The following PIK3R1 variants were observed in gnomAD, a reference collection of about 807,000 sequenced individuals.
PIK3R1 encodes phosphoinositide-3-kinase regulatory subunit 1.
A neutral mutation model predicts 98.0 loss-of-function variants in PIK3R1; 29 were observed. That is an observed-to-expected ratio of 0.30 (90% confidence interval 0.22 to 0.40). The LOEUF (loss-of-function observed/expected upper bound fraction) is 0.40. Among genes scored for constraint, PIK3R1 ranks in the 10% least tolerant of loss-of-function variants. The pLI is 1.00. For missense variants in PIK3R1, 596 were observed against 872.7 expected (o/e 0.68, Z 3.99); for synonymous variants, 282 against 311.8 (o/e 0.90, Z 1.01).
chr5:68,300,063 A>G lies in PIK3R1; in HGVS notation c.*2462A>G, dbSNP rs1225318030. 2 of 233,114 alleles carry G rather than the reference A, an allele frequency of 8.6e-6. No homozygotes were observed. The highest frequency in any genetic ancestry group is 2.2e-5 in the African/African-American group (1 of 45,358). 14.4% of individuals were successfully genotyped at this position (233,114 alleles called of 1,614,324 possible). ...ACATACAAATTTTTATTTCTAAAAT[A>G]TAAGATCTGAGATTGAATATTTTCA... On this transcript the variant is annotated 3_prime_UTR_variant, in exon 16 of 16. Coordinates refer to ENST00000521381, the MANE Select transcript of PIK3R1 (RefSeq NM_181523.3).
intron 7 of PIK3R1, chr5:68,291,180 C>T (rs1200085256): frequency 1.4e-5 from 3 of 219,768 alleles, no homozygotes; most frequent in Non-Finnish European, 2.7e-5. Flanking sequence ...CTGCTTTTCT[C>T]TGTTGCCAGT....
intron 1 of PIK3R1, among the ~76,000 whole-genome samples, chr5:68,223,727 T>C (rs975782902): frequency 3.9e-5 from 6 of 152,190 alleles, no homozygotes; most frequent in African/African-American, 1.4e-4. Context: ...CTAAAAGTCA[T>C]CATGTTCCTT....
intron 11 of PIK3R1, 87 bp downstream of exon 11, chr5:68,293,921 T>G (rs1747544080): frequency 9.7e-7 from 1 of 1,030,920 alleles, no homozygotes; most frequent in Non-Finnish European, 1.4e-6. Context: ...AAAGGTTGAG[T>G]TTTTACGAAT....
rs911336553 is a variant in PIK3R1, at chr5:68,278,869, G to C, written c.503-733G>C. 8.6e-5 allele frequency among the ~76,000 whole-genome samples: 13 copies of C among 150,614 alleles called. No individual in the cohort carries two copies. In the South Asian group the frequency reaches 1.9e-3, roughly 22 times the overall value. On this transcript the variant is annotated intron_variant, in intron 4 of 15. Coordinates refer to ENST00000521381, the MANE Select transcript of PIK3R1 (RefSeq NM_181523.3). Reference sequence around the variant, plus strand: ...GCAGGAGAATCGCTTGAACCCGGGAGGTGAAGGTTGCAGTGAGCCGAGATC... The same window carrying C: ...GCAGGAGAATCGCTTGAACCCGGGACGTGAAGGTTGCAGTGAGCCGAGATC...
intron 15 of PIK3R1, among the ~76,000 whole-genome samples, chr5:68,297,043 C>T (rs1380814696): frequency 1.3e-5 from 2 of 152,196 alleles, no homozygotes; most frequent in Non-Finnish European, 2.9e-5. Flanking sequence ...AATAGTAACA[C>T]TGCTAGTCAT....
intron 2 of PIK3R1, among the ~76,000 whole-genome samples, chr5:68,249,772 TG>T (rs1745231559): frequency 6.6e-6 from 1 of 151,916 alleles, no homozygotes; most frequent in African/African-American, 2.4e-5. Context: ...TGTGGTGGGG[TG>T]GGGGGCGTTA....
chr5:68,240,720 A>C (rs1436891423), intron 2 of PIK3R1, among the ~76,000 whole-genome samples: 1 of 152,130 alleles, frequency 6.6e-6, no homozygotes, highest in East Asian at 1.9e-4. Flanking sequence ...ACATGCCTTT[A>C]ATATTTTGGG....
At chr5:68,238,710 A>T (rs890290989) in intron 2 of PIK3R1, among the ~76,000 whole-genome samples, 4 of 152,278 alleles carry the variant, frequency 2.6e-5, no homozygotes, top group African/African-American at 9.6e-5. Flanking sequence ...GAGGGAGAAG[A>T]TATATAGAGA....
chr5:68,273,528 T>C (rs774732450), intron 3 of PIK3R1, 46 bp downstream of exon 3: 3 of 1,421,248 alleles, frequency 2.1e-6, no homozygotes, highest in Non-Finnish European at 3.0e-6. Flanking sequence ...TCTACCCTTA[T>C]TTCATGGCTC....
chr5:68,216,976 G>A (rs920489434), intron 1 of PIK3R1, among the ~76,000 whole-genome samples: 19 of 152,312 alleles, frequency 1.2e-4, no homozygotes, highest in African/African-American at 4.3e-4. Flanking sequence ...TTCCCGGGGC[G>A]CTATTAATAT....
intron 2 of PIK3R1, among the ~76,000 whole-genome samples, chr5:68,261,225 T>A (rs893451251): frequency 1.3e-5 from 2 of 152,242 alleles, no homozygotes; most frequent in African/African-American, 4.8e-5. Context: ...TTGGGACATG[T>A]GATCTCCTTG....
intron 2 of PIK3R1, among the ~76,000 whole-genome samples, chr5:68,237,279 A>T (rs1427518174): frequency 1.3e-5 from 2 of 152,190 alleles, no homozygotes; most frequent in Non-Finnish European, 2.9e-5. Flanking sequence ...TTGTACCTGA[A>T]TTATGTCAAG....
chr5:68,254,976 C>T (rs1337401260), intron 2 of PIK3R1, among the ~76,000 whole-genome samples: 1 of 152,132 alleles, frequency 6.6e-6, no homozygotes, highest in Non-Finnish European at 1.5e-5. Flanking sequence ...TGACACAAGT[C>T]AGGCCACAAT....
rs1194666062 is a variant in PIK3R1, at chr5:68,226,378, G to A, written c.-298G>A. On this transcript the variant is annotated 5_prime_UTR_variant, in exon 2 of 16. Coordinates refer to ENST00000521381, the MANE Select transcript of PIK3R1 (RefSeq NM_181523.3). ...GTCAGAAAGGATTGGGCCTCGCTGT[G>A]AGAGTCAGCCTGGATTCAAAGTGTT... The A allele has an allele frequency of 2.1e-6, 1 of 465,646 alleles. No individual in the cohort carries two copies. Among genetic ancestry groups the A allele is most frequent in the Non-Finnish European group, 3.8e-6 (1 of 264,844 alleles). 28.8% of individuals were successfully genotyped at this position (465,646 alleles called of 1,614,324 possible). A position where few individuals can be genotyped will look rare whatever the true frequency, so the allele number is the denominator to read the frequency against.
rs2112253724 is a variant in PIK3R1, at chr5:68,293,160, C to G, written c.1079C>G (p.Ala360Gly). 6.2e-7 allele frequency: 1 copy of G among 1,613,572 alleles called. No homozygotes were observed. The highest frequency in any genetic ancestry group is 1.1e-5 in the South Asian group (1 of 91,034). ...TADGTFLVRD[A>G]STKMHGDYTL... ...GACGGGACCTTTTTGGTACGAGATGCGTCTACTAAAATGCATGGTGATTAT... is the reference window on the plus strand; with the variant it reads ...GACGGGACCTTTTTGGTACGAGATGGGTCTACTAAAATGCATGGTGATTAT... The change falls in exon 9 of 16, where the codon GCG (alanine) becomes GGG (glycine). Residue 360 changes from alanine (A) to glycine (G), a missense_variant. This residue lies in a region of PIK3R1 where 37 missense variants were observed against 118.0 expected (regional missense o/e 0.31). Coordinates refer to ENST00000521381, the MANE Select transcript of PIK3R1 (RefSeq NM_181523.3).
At position 68,299,976 on chromosome 5, in the gene PIK3R1, ATTAG is replaced by A. The variant is rs1747950141; in HGVS notation, c.*2379_*2382del. On this transcript the variant is annotated 3_prime_UTR_variant, in exon 16 of 16. Transcript: ENST00000521381. The stretch of plus-strand genomic sequence containing the variant: ...AGATCATACACAAGTCTAACAGTTA[ATTAG>A]TTAACAGTTTTTAAACTAGGTTTGT... 2 of 233,108 alleles carry A rather than the reference ATTAG, an allele frequency of 8.6e-6. No homozygotes were observed. The highest frequency in any genetic ancestry group is 1.7e-5 in the Non-Finnish European group (2 of 118,028). 14.4% of individuals were successfully genotyped at this position (233,108 alleles called of 1,614,324 possible). A position where few individuals can be genotyped will look rare whatever the true frequency, so the allele number is the denominator to read the frequency against.
intron 2 of PIK3R1, among the ~76,000 whole-genome samples, chr5:68,245,611 T>C (rs115755349): frequency 0.022 from 3,369 of 152,274 alleles, 50 homozygotes; most frequent in Middle Eastern, 0.054. Flanking sequence ...ATCTGTAAAA[T>C]AGAATTGATG....
intron 7 of PIK3R1, among the ~76,000 whole-genome samples, chr5:68,289,667 T>C (rs1401948236): frequency 6.8e-6 from 1 of 147,338 alleles, no homozygotes; most frequent in African/African-American, 2.5e-5. Context: ...GCAGAATGAC[T>C]TTGAAGAGCC....
intron 2 of PIK3R1, among the ~76,000 whole-genome samples, chr5:68,235,000 C>T (rs1205562166): frequency 1.3e-5 from 2 of 152,134 alleles, no homozygotes; most frequent in African/African-American, 4.8e-5. Context: ...TTCAGAACTA[C>T]TCAAGGGTGT....
Sources: allele counts gnomAD v4.1 joint callset (sites outside exome capture counted in the v4.1 genomes callset), GRCh38; gene constraint gnomAD v4.1.1; regional missense constraint gnomAD v4.1.1; transcripts MANE v1.5; gene names NCBI Gene and HGNC (gene_info 2026-07-23, HGNC 2026-07-21).